Variants in POLR1B observed in about 807,000 individuals in gnomAD.
POLR1B encodes the protein DNA-directed RNA polymerase I subunit RPA2.
POLR1B carries 30 observed loss-of-function variants against 105.8 expected under a neutral mutation model. The ratio of observed to expected loss-of-function variants is 0.28; its 90% confidence interval spans 0.21 to 0.38. The LOEUF (loss-of-function observed/expected upper bound fraction) is 0.38. Among genes scored for constraint, POLR1B ranks in the 10% least tolerant of loss-of-function variants. The pLI, the probability that POLR1B is intolerant of heterozygous loss-of-function variation, is 1.00. For synonymous variants in POLR1B, 485 were observed against 505.1 expected (o/e 0.96, Z 0.53); for missense variants, 976 against 1,435.8 (o/e 0.68, Z 5.17).
At chr2:112,544,302 C>G (rs560282482) in intron 1 of POLR1B, among the ~76,000 whole-genome samples, 27 of 152,008 alleles carry the variant, frequency 1.8e-4, no homozygotes, top group Non-Finnish European at 3.8e-4. Context: ...CATGGTGGCA[C>G]ATGTCTGTAA....
In POLR1B at chr2:112,547,537, A is replaced by G. The variant is rs1490445957; in HGVS notation, c.462A>G (p.Gln154=). The G allele has an allele frequency of 1.2e-6, 2 of 1,614,166 alleles. No individual in the cohort carries two copies. Among genetic ancestry groups the G allele is most frequent in the Non-Finnish European group, 1.7e-6 (2 of 1,180,012 alleles). ...GCAACTTACGTAACCTTCCCCCACA[A>G]GCCCTCATTGAGCACCATGAGGAGG... ...KLCNLRNLPP[Q]ALIEHHEEAE... is the part of the protein sequence containing the mutation. Residue 154 remains glutamine, a synonymous_variant, in exon 3 of 15, where the codon CAA becomes CAG. Transcript: ENST00000263331.
In POLR1B at chr2:112,572,620, G is replaced by A; in HGVS notation, c.2133G>A (p.Leu711=). 2.5e-6 allele frequency: 4 copies of A among 1,612,236 alleles called. No individual in the cohort carries two copies. Among genetic ancestry groups the A allele is most frequent in the East Asian group, 2.2e-5 (1 of 44,784 alleles). ...LTYQDRSDNK[L]YRLQTPQSPL... The stretch of plus-strand genomic sequence containing the variant: ...ATCAAGACCGATCGGATAACAAACT[G>A]TATCGTCTTCAGACTCCTCAGAGTC... The change falls in exon 13 of 15, where the codon CTG becomes CTA. Residue 711 remains leucine (L), a synonymous_variant. Transcript: ENST00000263331.
chr2:112,563,618 C>G (rs1415616946), intron 9 of POLR1B, among the ~76,000 whole-genome samples: 1 of 152,250 alleles, frequency 6.6e-6, no homozygotes, highest in East Asian at 1.9e-4. Flanking sequence ...ACCATTTCTG[C>G]TGGGCACAGT....
In POLR1B at chr2:112,577,135, A is replaced by T. The variant is rs1684905459; in HGVS notation, c.*1406A>T. On this transcript the variant is annotated 3_prime_UTR_variant, in exon 15 of 15. Coordinates refer to ENST00000263331, the MANE Select transcript of POLR1B (RefSeq NM_019014.6). ...TTGTATATACTTCTGCAATTATAAG[A>T]TGTTTTTTGATGATGAAAGCTTTCC... The T allele has an allele frequency of 6.6e-6, 1 of 152,206 alleles. No homozygotes were observed. 9.4% of individuals were successfully genotyped at this position (152,206 alleles called of 1,614,324 possible).
intron 1 of POLR1B, among the ~76,000 whole-genome samples, chr2:112,543,926 TTTAAAAA>T (rs1017626307): frequency 6.7e-6 from 1 of 150,304 alleles, no homozygotes; most frequent in African/African-American, 2.5e-5. Flanking sequence ...TCCACAAAAA[TTTAAAAA>T]TTAGTGGGGC....
chr2:112,575,778 T>A lies in POLR1B; in HGVS notation c.*49T>A. ...AGAGGACTATCAGATTAAAGCAAAA[T>A]GTAATTTTAATTCAATGAAGATATC... On this transcript the variant is annotated 3_prime_UTR_variant, in exon 15 of 15. Transcript: ENST00000263331. The surrounding 1 kb of genome is among the most constrained non-coding windows in gnomAD (Gnocchi z 5.3). 6.5e-7 allele frequency: 1 copy of A among 1,531,862 alleles called. No homozygotes were observed. The highest frequency in any genetic ancestry group is 8.8e-7 in the Non-Finnish European group (1 of 1,134,664). 94.9% of individuals were successfully genotyped at this position (1,531,862 alleles called of 1,614,324 possible).
Position 112,578,481 on chromosome 2 carries a change from G to C in POLR1B, c.*2752G>C, listed in dbSNP as rs1684961334. 1.3e-5 allele frequency among the ~76,000 whole-genome samples: 2 copies of C among 152,112 alleles called. No homozygotes were observed. Among genetic ancestry groups the C allele is most frequent in the Admixed American group, 6.6e-5 (1 of 15,258 alleles). ...TCCCTTGAGATACATCCAGGTAGTT[G>C]CATGTATCAATAGTTAATTCCTTTT... is the stretch of plus-strand genomic sequence containing the variant. On this transcript the variant is annotated 3_prime_UTR_variant, in exon 15 of 15. Coordinates refer to ENST00000263331, the MANE Select transcript of POLR1B (RefSeq NM_019014.6).
chr2:112,542,547 A>G lies in POLR1B; in HGVS notation c.53A>G (p.His18Arg), dbSNP rs1490214049. The part of the protein sequence containing the change: ...RNLPSGPSLK[H>R]LTDPSYGIPR... ...CTGCCCAGCGGGCCTAGCCTAAAGC[A>G]CTTGACTGACCCCTCTTATGGAATC... is the stretch of plus-strand genomic sequence containing the variant. The change falls in exon 1 of 15, where the codon CAC becomes CGC. Residue 18 changes from histidine (H) to arginine (R), a missense_variant. His to Arg is a conservative substitution (Grantham distance 29). Transcript: ENST00000263331. The G allele has an allele frequency of 6.2e-7, 1 of 1,614,148 alleles. No homozygotes were observed. The highest frequency in any genetic ancestry group is 1.7e-5 in the Admixed American group (1 of 60,020).
upstream of POLR1B, chr2:112,542,284 C>T (rs1682789115): frequency 1.3e-6 from 2 of 1,528,256 alleles, no homozygotes; most frequent in Non-Finnish European, 1.8e-6. Context: ...TGGCTGGACA[C>T]GGCCTTAATC....
At chr2:112,557,782 C>A in intron 7 of POLR1B, 128 bp from the exon 8 acceptor site, 1 of 172,774 alleles carries the variant, frequency 5.8e-6, no homozygotes, top group Non-Finnish European at 9.9e-6. Context: ...GGTTTTGTTT[C>A]ACCATTTTGC....
chr2:112,576,578 A>G lies in POLR1B; in HGVS notation c.*849A>G, dbSNP rs1684871368. 1 of 152,170 alleles carries G rather than the reference A, an allele frequency of 6.6e-6. No individual in the cohort carries two copies. Among genetic ancestry groups the G allele is most frequent in the African/African-American group, 2.4e-5 (1 of 41,436 alleles). The allele number at this position is 152,170 out of a possible 1,614,324, so 9.4% of individuals were successfully genotyped here. A position where few individuals can be genotyped will look rare whatever the true frequency, so the allele number is the denominator to read the frequency against. On this transcript the variant is annotated 3_prime_UTR_variant, in exon 15 of 15. Transcript: ENST00000263331. ...TTCTATGAGTTTGACTATTACAGATATCTCATATAGTGGGATCATGCAATA... is the reference window on the plus strand; with the variant it reads ...TTCTATGAGTTTGACTATTACAGATGTCTCATATAGTGGGATCATGCAATA...
rs1683108214 is a variant in POLR1B at position 112,547,288 on chromosome 2, A to G, written c.345+109A>G. ...ATTGCTTTCTTGGTGCTATTGTCTAAGAGATCCCACCTTCTAAATCTAAGG... is the reference window on the plus strand; with the variant it reads ...ATTGCTTTCTTGGTGCTATTGTCTAGGAGATCCCACCTTCTAAATCTAAGG... On this transcript the variant is annotated intron_variant, in intron 2 of 14. Coordinates refer to ENST00000263331, the MANE Select transcript of POLR1B (RefSeq NM_019014.6). The G allele has an allele frequency of 3.3e-6, 5 of 1,493,146 alleles. No individual in the cohort carries two copies. The Admixed American group carries it at 7.8e-5, about 23-fold the overall frequency. The allele number at this position is 1,493,146 out of a possible 1,614,324, so 92.5% of individuals were successfully genotyped here.
chr2:112,542,893 G>C, intron 1 of POLR1B: 1 of 626,876 alleles, frequency 1.6e-6, no homozygotes, highest in Non-Finnish European at 2.7e-6. Flanking sequence ...GGAGTGAAAA[G>C]TGATTGTGAA....
Position 112,575,878 on chromosome 2 carries a change from G to GT in POLR1B, c.*152dup. ...AAGACCTGAAAACCAAGTATGCAAG[G>GT]TTTCTGAATCTCTCTGGTAGATTAA... On this transcript the variant is annotated 3_prime_UTR_variant, in exon 15 of 15. Coordinates refer to ENST00000263331, the MANE Select transcript of POLR1B (RefSeq NM_019014.6). This position sits in a 1 kb window ranked among gnomAD's most constrained non-coding sequence, Gnocchi z 5.3. 1.3e-6 allele frequency: 1 copy of GT among 755,330 alleles called. No individual in the cohort carries two copies. The highest frequency in any genetic ancestry group is 1.8e-5 in the African/African-American group (1 of 56,926). 46.8% of individuals were successfully genotyped at this position (755,330 alleles called of 1,614,324 possible). A position where few individuals can be genotyped will look rare whatever the true frequency, so the allele number is the denominator to read the frequency against.
rs542965369 is a variant in POLR1B, at chr2:112,570,674, A to G, written c.2074+1772A>G. ...AACATAGAAAAGGTACAGTAAAAAT[A>G]TGGGATCACCATAGTATATATGCCA... On this transcript the variant is annotated intron_variant, in intron 12 of 14. Transcript: ENST00000263331. Among the ~76,000 whole-genome samples the G allele has an allele frequency of 3.3e-5, 5 of 152,336 alleles. No homozygotes were observed. The East Asian group carries it at 9.6e-4, about 29-fold the overall frequency.
intron 10 of POLR1B, among the ~76,000 whole-genome samples, chr2:112,566,765 C>A (rs1000045991): frequency 2.7e-5 from 4 of 150,368 alleles, no homozygotes; most frequent in Non-Finnish European, 5.9e-5. Context: ...CAGAGTCTCG[C>A]TCTGTCGCCC....
At chr2:112,542,060 G>T, upstream of POLR1B, 3 of 1,513,412 alleles carry the variant, frequency 2.0e-6, no homozygotes, top group Non-Finnish European at 2.7e-6. Flanking sequence ...GACTCCCCAG[G>T]GTCGGCATCA....
rs754225417 is a variant in POLR1B, at chr2:112,552,706, A to G, written c.1048A>G (p.Thr350Ala). ...AAAGTTTTATATGCTTTGTCTCATG[A>G]CGCGAAAGCTCTTTGCTTTAGCCAA... ...TEKFYMLCLM[T>A]RKLFALAKGE... is the part of the protein sequence containing the mutation. The change falls in exon 7 of 15, where the codon ACG becomes GCG. Residue 350 changes from threonine to alanine, a missense_variant. Physicochemically the swap from Thr to Ala is moderately conservative, Grantham distance 58. Transcript: ENST00000263331. 6.2e-7 allele frequency: 1 copy of G among 1,612,326 alleles called. No homozygotes were observed. Among genetic ancestry groups the G allele is most frequent in the Non-Finnish European group, 8.5e-7 (1 of 1,179,312 alleles).
In POLR1B at chr2:112,578,479, T is replaced by C. The variant is rs374828195; in HGVS notation, c.*2750T>C. Among the ~76,000 whole-genome samples the C allele has an allele frequency of 1.3e-5, 2 of 152,352 alleles. No homozygotes were observed. The highest frequency in any genetic ancestry group is 4.8e-5 in the African/African-American group (2 of 41,584). On this transcript the variant is annotated 3_prime_UTR_variant, in exon 15 of 15. Transcript: ENST00000263331. ...ATTCCCTTGAGATACATCCAGGTAG[T>C]TGCATGTATCAATAGTTAATTCCTT...
Sources: gnomAD v4.1 joint callset for allele counts (sites outside exome capture counted in the v4.1 genomes callset) on GRCh38, gnomAD v4.1.1 for gene constraint, Gnocchi (gnomAD v3.1) non-coding constraint, MANE v1.5 for transcripts, NCBI Gene and HGNC (gene_info 2026-07-23, HGNC 2026-07-21) for gene names.